Variants in DIPK1A observed in about 807,000 individuals in gnomAD.
The protein encoded by DIPK1A is divergent protein kinase domain 1A, also known as family with sequence similarity 69 member A.
A neutral mutation model predicts 40.8 loss-of-function variants in DIPK1A; 27 were observed. The ratio of observed to expected loss-of-function variants is 0.66; its 90% CI spans 0.49 to 0.91. The LOEUF is 0.91. Among genes scored for constraint, DIPK1A ranks in the 40% least tolerant of loss-of-function variants. DIPK1A has a pLI of 0.00. For synonymous variants in DIPK1A, 166 were observed against 171.3 expected, an observed-to-expected ratio of 0.97 and a Z score of 0.24; for missense variants, 412 against 505.7, an observed-to-expected ratio of 0.81 and a Z score of 1.78.
intron 1 of DIPK1A, among the ~76,000 whole-genome samples, chr1:92,887,464 A>G (rs1440532666): frequency 1.3e-5 from 2 of 151,790 alleles, no homozygotes; most frequent in African/African-American, 2.4e-5. Context: ...AAAGAAAACT[A>G]TGCAACTGGA....
downstream of DIPK1A, among the ~76,000 whole-genome samples, chr1:92,839,037 T>C (rs2100692342): frequency 6.6e-6 from 1 of 151,784 alleles, no homozygotes; most frequent in African/African-American, 2.4e-5. Flanking sequence ...GCAGCTTTTT[T>C]TTTTTTTTTT....
chr1:92,846,386 T>C (rs1687602781), intron 4 of DIPK1A, among the ~76,000 whole-genome samples: 1 of 152,156 alleles, frequency 6.6e-6, no homozygotes. Context: ...ATTCTGCCTA[T>C]CTAGCGGTAA....
chr1:92,916,659 C>A (rs897717467), intron 1 of DIPK1A, among the ~76,000 whole-genome samples: 1 of 152,134 alleles, frequency 6.6e-6, no homozygotes, highest in Admixed American at 6.5e-5. Flanking sequence ...TTTTTCTTAA[C>A]AATCTCTGAA....
At chr1:92,955,295 G>A (rs1651803473) in intron 1 of DIPK1A, among the ~76,000 whole-genome samples, 1 of 152,174 alleles carries the variant, frequency 6.6e-6, no homozygotes, top group Non-Finnish European at 1.5e-5. Context: ...CACACTGAAT[G>A]TACAACACAA....
intron 1 of DIPK1A, among the ~76,000 whole-genome samples, chr1:92,912,346 GT>G (rs1012979242): frequency 6.6e-6 from 1 of 152,012 alleles, no homozygotes; most frequent in African/African-American, 2.4e-5. Context: ...GTGGGCGTTA[GT>G]TTTTTATATG....
intron 1 of DIPK1A, among the ~76,000 whole-genome samples, chr1:92,889,890 T>C (rs1571094687): frequency 6.6e-6 from 1 of 152,194 alleles, no homozygotes; most frequent in Admixed American, 6.5e-5. Context: ...GCTCAAGCAA[T>C]GTGCCTGCCT....
At chr1:92,876,093 T>A (rs1648112641) in intron 2 of DIPK1A, among the ~76,000 whole-genome samples, 1 of 151,406 alleles carries the variant, frequency 6.6e-6, no homozygotes, top group Non-Finnish European at 1.5e-5. Context: ...TATTTATGTG[T>A]TATATATTTA....
chr1:92,942,357 C>A (rs1366533116), intron 1 of DIPK1A, among the ~76,000 whole-genome samples: 2 of 152,072 alleles, frequency 1.3e-5, no homozygotes, highest in Non-Finnish European at 2.9e-5. Context: ...TTAAGCAATT[C>A]ATTACATTAA....
At chr1:92,862,884 A>C (rs1647344080) in intron 2 of DIPK1A, among the ~76,000 whole-genome samples, 1 of 152,178 alleles carries the variant, frequency 6.6e-6, no homozygotes, top group South Asian at 2.1e-4. Context: ...TGCAATGCTC[A>C]TTCATCAAAA....
At chr1:92,834,537 G>T (rs980584806) in intron 4 of DIPK1A, among the ~76,000 whole-genome samples, 1 of 152,186 alleles carries the variant, frequency 6.6e-6, no homozygotes, top group Non-Finnish European at 1.5e-5. Flanking sequence ...CTAAACGTTA[G>T]GTTCCTGAGA....
intron 1 of DIPK1A, among the ~76,000 whole-genome samples, chr1:92,952,980 T>TCTTCCAAGAG (rs1406426761): frequency 2.0e-5 from 3 of 152,312 alleles, no homozygotes; most frequent in East Asian, 3.9e-4. Context: ...AGCTTGTTAA[T>TCTTCCAAGAG]ACATTAAAAT....
chr1:92,846,625 TTTTC>T (rs1165536581), intron 4 of DIPK1A: 9 of 395,444 alleles, frequency 2.3e-5, no homozygotes, highest in African/African-American at 4.9e-5. Flanking sequence ...CACAGATTTC[TTTTC>T]TTTTTCTTTT....
intron 1 of DIPK1A, 54 bp downstream of exon 1, chr1:92,961,322 A>T: frequency 7.4e-7 from 1 of 1,352,132 alleles, no homozygotes; most frequent in Non-Finnish European, 1.0e-6. Flanking sequence ...GCGGCGCGGC[A>T]GGGCACACGG....
chr1:92,955,279 T>G (rs1052859732), intron 1 of DIPK1A, among the ~76,000 whole-genome samples: 3 of 152,178 alleles, frequency 2.0e-5, no homozygotes, highest in African/African-American at 7.2e-5. Flanking sequence ...TATGCATTTA[T>G]CCAAACACAC....
intron 1 of DIPK1A, among the ~76,000 whole-genome samples, chr1:92,887,520 C>G (rs1352464107): frequency 6.6e-6 from 1 of 152,140 alleles, no homozygotes; most frequent in Non-Finnish European, 1.5e-5. Flanking sequence ...CAGATCCCTA[C>G]TAGTCTACTG....
chr1:92,929,739 C>T (rs1650670535), intron 1 of DIPK1A, among the ~76,000 whole-genome samples: 1 of 152,190 alleles, frequency 6.6e-6, no homozygotes, highest in African/African-American at 2.4e-5. Context: ...TGTGAGTAAT[C>T]TATTATGTCA....
At chr1:92,934,925 A>C (rs1430628294) in intron 1 of DIPK1A, among the ~76,000 whole-genome samples, 1 of 152,132 alleles carries the variant, frequency 6.6e-6, no homozygotes, top group East Asian at 1.9e-4. Context: ...GTGGTTACTT[A>C]CTAGCGTCAA....
At chr1:92,855,396 A>G (rs892121073) in intron 2 of DIPK1A, among the ~76,000 whole-genome samples, 5 of 152,090 alleles carry the variant, frequency 3.3e-5, no homozygotes, top group African/African-American at 1.2e-4. Context: ...CAACCAAACA[A>G]ACAAACAAAA....
At chr1:92,851,082 A>C (rs1414789004) in intron 2 of DIPK1A, 127 bp from the exon 3 acceptor site, 4 of 634,502 alleles carry the variant, frequency 6.3e-6, no homozygotes, top group Non-Finnish European at 1.1e-5. Context: ...ACTTAGACAG[A>C]CCTGGATTTG....
Sources: gnomAD v4.1 joint callset for allele counts (sites outside exome capture counted in the v4.1 genomes callset) on GRCh38, gnomAD v4.1.1 for gene constraint, MANE v1.5 for transcripts, NCBI Gene and HGNC (gene_info 2026-07-23, HGNC 2026-07-21) for gene names.